Variants in ARL4C observed in about 807,000 individuals in gnomAD.
The protein encoded by ARL4C is ARF like GTPase 4C, also known as ADP-ribosylation factor-like protein 4C.
A neutral mutation model predicts 12.8 loss-of-function variants in ARL4C; 5 were observed. The ratio of observed to expected loss-of-function variants is 0.39; its 90% CI spans 0.20 to 0.82. The LOEUF is 0.82. ARL4C is among the 40% of genes least tolerant of loss of function. ARL4C has a pLI of 0.39. For missense variants in ARL4C, 148 were observed against 265.2 expected, an observed-to-expected ratio of 0.56 and a Z score of 3.07; for synonymous variants, 119 against 119.4, an observed-to-expected ratio of 1.00 and a Z score of 0.02.
rs539344985 is a variant in ARL4C, at chr2:234,493,051, T to C, written c.*2755A>G. 1 of 152,758 alleles carries C rather than the reference T, an allele frequency of 6.5e-6. No homozygotes were observed. Among genetic ancestry groups the C allele is most frequent in the East Asian group, 1.9e-4 (1 of 5,190 alleles). The allele number at this position is 152,758 out of a possible 1,614,324, so 9.5% of individuals were successfully genotyped here. On this transcript the variant is annotated 3_prime_UTR_variant, in exon 2 of 2. Transcript: ENST00000339728. The stretch of plus-strand genomic sequence containing the variant: ...AAATCTCCCCAGTCATTTGATTGTA[T>C]AAATAATTTATTTCTGTTCACAGCA...
At position 234,493,090 on chromosome 2, in the gene ARL4C, AT is replaced by A. The variant is rs1691727473; in HGVS notation, c.*2715del. ...CTGTTCACAGCATCATATATGCATT[AT>A]AAAAGGCTATGGAAACAAAAGAGAA... On this transcript the variant is annotated 3_prime_UTR_variant, in exon 2 of 2. Coordinates refer to ENST00000339728, the MANE Select transcript of ARL4C (RefSeq NM_001282431.2). The A allele has an allele frequency of 6.5e-6, 1 of 152,696 alleles. No homozygotes were observed. Among genetic ancestry groups the A allele is most frequent in the African/African-American group, 2.4e-5 (1 of 41,472 alleles). 9.5% of individuals were successfully genotyped at this position (152,696 alleles called of 1,614,324 possible). A position where few individuals can be genotyped will look rare whatever the true frequency, so the allele number is the denominator to read the frequency against.
Position 234,495,834 on chromosome 2 carries a change from G to A in ARL4C, c.578C>T (p.Thr193Ile), listed in dbSNP as rs1326081267. The stretch of plus-strand genomic sequence containing the variant: ...GACTTCGCAGCTCCTTAAGTCACCA[G>A]TCCTGCATTTGGGTGCAGAGATTCC... ...RKSLKQKKKR[T>I]GDLRSCEV The change falls in exon 2 of 2, where the codon ACT becomes ATT. Residue 193 changes from threonine to isoleucine, a missense_variant and splice_region_variant. Physicochemically the swap from Thr to Ile is moderately conservative, Grantham distance 89. Transcript: ENST00000339728. 1 of 1,598,698 alleles carries A rather than the reference G, an allele frequency of 6.3e-7. No individual in the cohort carries two copies. The highest frequency in any genetic ancestry group is 1.1e-5 in the South Asian group (1 of 91,086).
chr2:234,494,616 T>G lies in ARL4C; in HGVS notation c.*1190A>C, dbSNP rs1030703808. Reference sequence around the variant, plus strand: ...ACAAGGTGGGGTTTTATTTTTTTGGTGCATGACATCAAATACTCTAACGAG... The same window carrying G: ...ACAAGGTGGGGTTTTATTTTTTTGGGGCATGACATCAAATACTCTAACGAG... On this transcript the variant is annotated 3_prime_UTR_variant, in exon 2 of 2. Coordinates refer to ENST00000339728, the MANE Select transcript of ARL4C (RefSeq NM_001282431.2). 6.6e-6 allele frequency: 1 copy of G among 152,244 alleles called. No homozygotes were observed. The highest frequency in any genetic ancestry group is 2.4e-5 in the African/African-American group (1 of 41,444). 9.4% of individuals were successfully genotyped at this position (152,244 alleles called of 1,614,324 possible).
intron 1 of ARL4C, 67 bp downstream of exon 1, chr2:234,495,945 C>T (rs746079849): frequency 2.5e-6 from 4 of 1,609,944 alleles, no homozygotes; most frequent in Admixed American, 3.3e-5. Context: ...TCCATCCAAC[C>T]ATCCATCCAT....
At position 234,494,838 on chromosome 2, in the gene ARL4C, G is replaced by C. The variant is rs547872254; in HGVS notation, c.*968C>G. 1 of 150,986 alleles carries C rather than the reference G, an allele frequency of 6.6e-6. No individual in the cohort carries two copies. Among genetic ancestry groups the C allele is most frequent in the South Asian group, 2.1e-4 (1 of 4,746 alleles). 9.4% of individuals were successfully genotyped at this position (150,986 alleles called of 1,614,324 possible). A position where few individuals can be genotyped will look rare whatever the true frequency, so the allele number is the denominator to read the frequency against. On this transcript the variant is annotated 3_prime_UTR_variant, in exon 2 of 2. Transcript: ENST00000339728. ...CATGTCTGAAAACCCATTATCACGC[G>C]GTTAGTATTACAAGAGACATCCCTT... is the stretch of plus-strand genomic sequence containing the variant.
rs1454487255 is a variant in ARL4C at position 234,496,061 on chromosome 2, A to T, written c.526T>A (p.Tyr176Asn). ...EGLTEGMDKL[Y>N]EMILKRRKSL... ...TTCCTGCGTTTCAGGATCATCTCAT[A>T]GAGCTTGTCCATGCCCTCGGTGAGG... The change falls in exon 1 of 2, where the codon TAT becomes AAT. Residue 176 changes from tyrosine to asparagine, a missense_variant. Physicochemically the swap from Tyr to Asn is moderately radical, Grantham distance 143. This residue lies in a region of ARL4C where 42 missense variants were observed against 87.4 expected (regional missense o/e 0.48). Transcript: ENST00000339728. The T allele has an allele frequency of 2.5e-6, 4 of 1,611,144 alleles. No individual in the cohort carries two copies. The highest frequency in any genetic ancestry group is 3.4e-6 in the Non-Finnish European group (4 of 1,178,584).
In ARL4C at chr2:234,496,012, C is replaced by A; in HGVS notation, c.575G>T (p.Arg192Leu). The change falls in exon 1 of 2, where the codon CGG (arginine) becomes CTG (leucine). Residue 192 changes from arginine to leucine, a missense_variant and splice_region_variant. By Grantham distance (102) the Arg-to-Leu change is moderately radical. This residue lies in a region of ARL4C where 28 missense variants were observed against 24.3 expected (regional missense o/e 1.15). Transcript: ENST00000339728. ...TCCCCGGTCGCTCCGGGCGCATTAC[C>A]GCTTCTTCTTCTGCTTGAGGGACTT... ...RRKSLKQKKKRTGDLRSCEV is the reference protein window; with the variant it reads ...RRKSLKQKKKLTGDLRSCEV 1 of 1,605,768 alleles carries A rather than the reference C, an allele frequency of 6.2e-7. No individual in the cohort carries two copies. The highest frequency in any genetic ancestry group is 8.5e-7 in the Non-Finnish European group (1 of 1,175,256).
In ARL4C at chr2:234,496,242, G is replaced by C; in HGVS notation, c.345C>G (p.Ala115=). The C allele has an allele frequency of 6.3e-7, 1 of 1,583,650 alleles. No homozygotes were observed. The highest frequency in any genetic ancestry group is 8.6e-7 in the Non-Finnish European group (1 of 1,163,732). ...KTELHKVTKF[A]ENQGTPLLVI... ...CCAGCAGCGGCGTGCCCTGGTTCTC[G>C]GCGAACTTGGTCACCTTGTGCAGCT... Residue 115 remains alanine (A), a synonymous_variant, in exon 1 of 2, where the codon GCC becomes GCG. Transcript: ENST00000339728.
chr2:234,495,843 T>G lies in ARL4C; in HGVS notation c.576-7A>C, dbSNP rs764476998. The stretch of plus-strand genomic sequence containing the variant: ...GCTCCTTAAGTCACCAGTCCTGCAT[T>G]TGGGTGCAGAGATTCCGTTTTAAAA... On this transcript the variant is annotated splice_region_variant and splice_polypyrimidine_tract_variant and intron_variant, in intron 1 of 1. Transcript: ENST00000339728. 6.3e-7 allele frequency: 1 copy of G among 1,598,816 alleles called. No individual in the cohort carries two copies. Among genetic ancestry groups the G allele is most frequent in the Non-Finnish European group, 8.5e-7 (1 of 1,179,812 alleles).
rs61740094 is a variant in ARL4C at position 234,496,179 on chromosome 2, C to T, written c.408G>A (p.Pro136=). 210 of 1,611,208 alleles carry T rather than the reference C, an allele frequency of 1.3e-4. No individual in the cohort carries two copies. The African/African-American group carries it at 2.5e-3, about 19-fold the overall frequency. ...ANKQDLPKSL[P]VAEIEKQLAL... The stretch of plus-strand genomic sequence containing the variant: ...CCAGCTGCTTCTCAATCTCTGCCAC[C>T]GGCAGCGACTTGGGCAGGTCCTGCT... The change falls in exon 1 of 2, where the codon CCG becomes CCA. Residue 136 remains proline (P), a synonymous_variant. Transcript: ENST00000339728.
rs1691786813 is a variant in ARL4C at position 234,496,572 on chromosome 2, G to C, written c.15C>G (p.Ser5=). Reference sequence around the variant, plus strand: ...GGGACTGGAAGGCCGAGATGTTAGAGGAGATGTTGCCCATGGCTCCTGGCT... The same window carrying C: ...GGGACTGGAAGGCCGAGATGTTAGACGAGATGTTGCCCATGGCTCCTGGCT... The part of the protein sequence containing the change: MGNI[S]SNISAFQSLH... Residue 5 remains serine (S), a synonymous_variant, in exon 1 of 2, where the codon TCC becomes TCG. Coordinates refer to ENST00000339728, the MANE Select transcript of ARL4C (RefSeq NM_001282431.2). 6.4e-7 allele frequency: 1 copy of C among 1,574,618 alleles called. No individual in the cohort carries two copies. The highest frequency in any genetic ancestry group is 1.4e-5 in the African/African-American group (1 of 73,306).
rs1306870431 is a variant in ARL4C at position 234,494,527 on chromosome 2, GAA to G, written c.*1277_*1278del. 2 of 152,714 alleles carry G rather than the reference GAA, an allele frequency of 1.3e-5. No homozygotes were observed. The highest frequency in any genetic ancestry group is 1.9e-4 in the East Asian group (1 of 5,176). The allele number at this position is 152,714 out of a possible 1,614,324, so 9.5% of individuals were successfully genotyped here. A position where few individuals can be genotyped will look rare whatever the true frequency, so the allele number is the denominator to read the frequency against. ...GCCAGTTCCCACAAGAATGAATTCG[GAA>G]AGACTTCATCCTTGTGTTTTTCCTT... On this transcript the variant is annotated 3_prime_UTR_variant, in exon 2 of 2. Coordinates refer to ENST00000339728, the MANE Select transcript of ARL4C (RefSeq NM_001282431.2).
In ARL4C at chr2:234,495,623, T is replaced by A; in HGVS notation, c.*183A>T. 1.4e-6 allele frequency: 1 copy of A among 721,760 alleles called. No homozygotes were observed. The highest frequency in any genetic ancestry group is 2.3e-6 in the Non-Finnish European group (1 of 432,400). 44.7% of individuals were successfully genotyped at this position (721,760 alleles called of 1,614,324 possible). ...GCCTGAACTTCTGGCCCTGCAGGAG[T>A]GGGAAGAAATCGCTTTTGTCTTTCC... On this transcript the variant is annotated 3_prime_UTR_variant, in exon 2 of 2. Coordinates refer to ENST00000339728, the MANE Select transcript of ARL4C (RefSeq NM_001282431.2).
In ARL4C at chr2:234,496,089, C is replaced by T. The variant is rs1385589904; in HGVS notation, c.498G>A (p.Glu166=). Residue 166 remains glutamate, a synonymous_variant, in exon 1 of 2, where the codon GAG becomes GAA. Coordinates refer to ENST00000339728, the MANE Select transcript of ARL4C (RefSeq NM_001282431.2). ...GCTTGTCCATGCCCTCGGTGAGGCC[C>T]TCGCCGATGATGGCGCACGCCGGCT... ...HVQPACAIIG[E]GLTEGMDKLY... The T allele has an allele frequency of 6.2e-7, 1 of 1,613,492 alleles. No homozygotes were observed. The highest frequency in any genetic ancestry group is 1.1e-5 in the South Asian group (1 of 90,974).
Position 234,495,443 on chromosome 2 carries a change from T to C in ARL4C, c.*363A>G. ...ATGAAATTTCAACAGGGGCCTGCCC[T>C]GTGACCGAAAATTACTCAGCTTCAC... On this transcript the variant is annotated 3_prime_UTR_variant, in exon 2 of 2. Coordinates refer to ENST00000339728, the MANE Select transcript of ARL4C (RefSeq NM_001282431.2). The C allele has an allele frequency of 2.4e-6, 1 of 422,170 alleles. No homozygotes were observed. Among genetic ancestry groups the C allele is most frequent in the Non-Finnish European group, 4.4e-6 (1 of 227,806 alleles). 26.2% of individuals were successfully genotyped at this position (422,170 alleles called of 1,614,324 possible).
rs769697691 is a variant in ARL4C, at chr2:234,496,518, C to A, written c.69G>T (p.Ser23=). 1 of 1,612,434 alleles carries A rather than the reference C, an allele frequency of 6.2e-7. No homozygotes were observed. The highest frequency in any genetic ancestry group is 8.5e-7 in the Non-Finnish European group (1 of 1,179,268). Residue 23 remains serine, a synonymous_variant, in exon 1 of 2, where the codon TCG becomes TCT. Transcript: ENST00000339728. ...SLHIVMLGLD[S]AGKTTVLYRL... ...GGTAGAGCACCGTGGTCTTGCCGGC[C>A]GAGTCCAAGCCCAACATGACGATAT...
At position 234,496,230 on chromosome 2, in the gene ARL4C, G is replaced by T; in HGVS notation, c.357C>A (p.Gly119=). ...HKVTKFAENQ[G]TPLLVIANKQ... ...TGTTGGCGATGACCAGCAGCGGCGT[G>T]CCCTGGTTCTCGGCGAACTTGGTCA... The change falls in exon 1 of 2, where the codon GGC becomes GGA. Residue 119 remains glycine (G), a synonymous_variant. Coordinates refer to ENST00000339728, the MANE Select transcript of ARL4C (RefSeq NM_001282431.2). The T allele has an allele frequency of 6.3e-7, 1 of 1,586,832 alleles. No homozygotes were observed.
chr2:234,494,404 G>A lies in ARL4C; in HGVS notation c.*1402C>T, dbSNP rs1691745918. On this transcript the variant is annotated 3_prime_UTR_variant, in exon 2 of 2. Transcript: ENST00000339728. ...CCAAAGCCTCTTTCAAGTAAACTGT[G>A]AAGTGCCTGAGTACCAGTGACCATG... 6.6e-6 allele frequency: 1 copy of A among 152,596 alleles called. No homozygotes were observed. The highest frequency in any genetic ancestry group is 2.1e-4 in the South Asian group (1 of 4,828). The allele number at this position is 152,596 out of a possible 1,614,324, so 9.5% of individuals were successfully genotyped here. A position where few individuals can be genotyped will look rare whatever the true frequency, so the allele number is the denominator to read the frequency against.
Position 234,495,727 on chromosome 2 carries a change from C to G in ARL4C, c.*79G>C. The G allele has an allele frequency of 6.3e-7, 1 of 1,581,004 alleles. No individual in the cohort carries two copies. The stretch of plus-strand genomic sequence containing the variant: ...TCCACTCCCCACCGCGGCCCCCCGA[C>G]CTGGTCAGTAGCTCTGGCGTTCAGA... On this transcript the variant is annotated 3_prime_UTR_variant, in exon 2 of 2. Transcript: ENST00000339728.
Sources: allele counts gnomAD v4.1 joint callset, GRCh38; gene constraint gnomAD v4.1.1; regional missense constraint gnomAD v4.1.1; transcripts MANE v1.5; gene names NCBI Gene and HGNC (gene_info 2026-07-23, HGNC 2026-07-21).